KIAA1217: variants seen among roughly 807,000 people sequenced by gnomAD.
KIAA1217 encodes the protein sickle tail protein homolog.
Under a neutral mutation model 163.9 loss-of-function variants are expected in KIAA1217, and 88 were observed. That is an observed-to-expected ratio of 0.54 (90% CI 0.45 to 0.64). The LOEUF is 0.64. KIAA1217 is among the 30% of genes least tolerant of loss of function. The pLI is 0.00. For missense variants in KIAA1217, 2,372 were observed against 2,475.0 expected (o/e 0.96, Z 0.88); for synonymous variants, 903 against 923.1 (o/e 0.98, Z 0.39).
intron 2 of KIAA1217, among the ~76,000 whole-genome samples, chr10:24,199,614 G>T (rs982633381): frequency 6.6e-6 from 1 of 152,158 alleles, no homozygotes; most frequent in African/African-American, 2.4e-5. Context: ...GCCTACAGTT[G>T]ACTGTTTTAT....
rs995942793 is a variant in KIAA1217 at position 24,496,518 on chromosome 10, G to A, written c.1834+1322G>A. On this transcript the variant is annotated intron_variant, in intron 8 of 20. Coordinates refer to ENST00000376454, the MANE Select transcript of KIAA1217 (RefSeq NM_019590.5). ...AAGCACTGCTCTAAGCAATATGTAC[G>A]TGCTGTTTTGTATTCTCCTTTTATT... Among the ~76,000 whole-genome samples the A allele has an allele frequency of 3.9e-5, 6 of 152,218 alleles. No individual in the cohort carries two copies. In the East Asian group the frequency reaches 5.8e-4, roughly 15 times the overall value.
At chr10:24,456,650 T>G (rs924868961) in intron 5 of KIAA1217, among the ~76,000 whole-genome samples, 1 of 151,620 alleles carries the variant, frequency 6.6e-6, no homozygotes, top group South Asian at 2.1e-4. Context: ...CACACCCCAC[T>G]GCCTTCCTTG....
At chr10:24,077,303 T>C (rs2061399034) in intron 2 of KIAA1217, among the ~76,000 whole-genome samples, 1 of 152,208 alleles carries the variant, frequency 6.6e-6, no homozygotes, top group African/African-American at 2.4e-5. Context: ...AAGCCCTGCA[T>C]ACATTAGCTA....
chr10:23,789,418 T>C (rs1198107924), intron 1 of KIAA1217, among the ~76,000 whole-genome samples: 1 of 152,150 alleles, frequency 6.6e-6, no homozygotes, highest in African/African-American at 2.4e-5. Flanking sequence ...TAGAATCAAA[T>C]ATTGTTAGGC....
chr10:23,722,143 A>C (rs1262394479), intron 1 of KIAA1217, among the ~76,000 whole-genome samples: 1 of 152,206 alleles, frequency 6.6e-6, no homozygotes, highest in African/African-American at 2.4e-5. Context: ...AGAGTAGTCA[A>C]AGTCAAGAAG....
intron 2 of KIAA1217, among the ~76,000 whole-genome samples, chr10:24,195,848 G>A (rs1316319666): frequency 6.6e-6 from 1 of 152,186 alleles, no homozygotes; most frequent in Admixed American, 6.5e-5. Flanking sequence ...ATATGTATTG[G>A]CTGGGCGCAG....
chr10:23,984,584 TAA>T lies in KIAA1217; in HGVS notation c.-320-22636_-320-22635del, dbSNP rs576290401. Among the ~76,000 whole-genome samples the T allele has an allele frequency of 2.3e-3, 351 of 152,106 alleles. 1 individual carries two copies. The highest frequency in any genetic ancestry group is 7.9e-3 in the African/African-American group (327 of 41,482). ...TACACCATGGAATACTATGCAGCCA[TAA>T]AAAAGGATGAGTTCATGTCCTTTGC... On this transcript the variant is annotated intron_variant, in intron 1 of 18. Transcript: ENST00000376462.
chr10:23,779,210 A>T (rs967120203), intron 1 of KIAA1217, among the ~76,000 whole-genome samples: 3 of 152,190 alleles, frequency 2.0e-5, no homozygotes, highest in African/African-American at 7.2e-5. Flanking sequence ...AGAATTAGTA[A>T]ACAGTACCCA....
intron 2 of KIAA1217, chr10:24,158,669 C>T (rs908787467): frequency 3.9e-6 from 2 of 513,660 alleles, no homozygotes; most frequent in African/African-American, 3.9e-5. Context: ...GAAAGTACTC[C>T]TAGGATTTCT....
At chr10:24,519,462 T>C (rs998710199) in intron 10 of KIAA1217, among the ~76,000 whole-genome samples, 32 of 152,160 alleles carry the variant, frequency 2.1e-4, no homozygotes, top group Admixed American at 1.7e-3. Flanking sequence ...ACAATCAGTA[T>C]AAACCAGAGG....
intron 2 of KIAA1217, among the ~76,000 whole-genome samples, chr10:24,353,145 C>T (rs778050682): frequency 7.9e-5 from 12 of 152,162 alleles, no homozygotes; most frequent in African/African-American, 2.9e-4. Flanking sequence ...ATAGGTGGTG[C>T]GGTTTCCTGT....
intron 2 of KIAA1217, among the ~76,000 whole-genome samples, chr10:24,164,537 C>A (rs1380245763): frequency 2.0e-5 from 3 of 152,140 alleles, no homozygotes; most frequent in African/African-American, 7.2e-5. Flanking sequence ...GTAGAGTGGG[C>A]ACTCAATAAA....
At chr10:23,954,638 G>A (rs530795554) in intron 1 of KIAA1217, among the ~76,000 whole-genome samples, 5 of 151,482 alleles carry the variant, frequency 3.3e-5, no homozygotes, top group African/African-American at 1.2e-4. Context: ...AAGGAGGGAG[G>A]GAGGGAGAGA....
chr10:23,826,617 A>G (rs750675199), intron 1 of KIAA1217, among the ~76,000 whole-genome samples: 1 of 152,098 alleles, frequency 6.6e-6, no homozygotes, highest in Non-Finnish European at 1.5e-5. Context: ...TCCTGATTCA[A>G]GCTGTGGATG....
chr10:23,908,874 A>G (rs1842299319), intron 1 of KIAA1217, among the ~76,000 whole-genome samples: 1 of 152,158 alleles, frequency 6.6e-6, no homozygotes, highest in Non-Finnish European at 1.5e-5. Context: ...TGATCCAGCA[A>G]TCCCGTTACT....
At chr10:24,226,945 A>C (rs1253084447) in intron 2 of KIAA1217, among the ~76,000 whole-genome samples, 1 of 152,042 alleles carries the variant, frequency 6.6e-6, no homozygotes, top group Non-Finnish European at 1.5e-5. Flanking sequence ...ACCATTCTGA[A>C]ATTAATTTTT....
chr10:24,445,456 T>C (rs958259913), intron 5 of KIAA1217, among the ~76,000 whole-genome samples: 3 of 151,914 alleles, frequency 2.0e-5, no homozygotes, highest in African/African-American at 7.2e-5. Context: ...TATGTATACA[T>C]GTGCCATGTT....
chr10:24,471,317 AG>A, intron 5 of KIAA1217, among the ~76,000 whole-genome samples: 1 of 152,220 alleles, frequency 6.6e-6, no homozygotes, highest in East Asian at 1.9e-4. Flanking sequence ...AAGTCAGGAT[AG>A]GGACTGTGGG....
At chr10:24,402,366 G>A (rs1419421338) in intron 3 of KIAA1217, among the ~76,000 whole-genome samples, 3 of 151,904 alleles carry the variant, frequency 2.0e-5, no homozygotes, top group Admixed American at 6.6e-5. Context: ...AAAATTAGCC[G>A]GGCGTATTGG....
Sources: allele counts gnomAD v4.1 joint callset (sites outside exome capture counted in the v4.1 genomes callset), GRCh38; gene constraint gnomAD v4.1.1; transcripts MANE v1.5; gene names NCBI Gene and HGNC (gene_info 2026-07-23, HGNC 2026-07-21).